The following CMTM4 variants were observed in gnomAD, a reference collection of about 807,000 sequenced individuals.
CMTM4 encodes the protein CKLF-like MARVEL transmembrane domain-containing protein 4.
In CMTM4, 8 loss-of-function variants were observed where a neutral mutation model predicts 19.0. The observed-to-expected ratio is 0.42, with a 90% confidence interval of 0.25 to 0.76. The LOEUF (loss-of-function observed/expected upper bound fraction) is 0.76. Ranked by LOEUF, CMTM4 falls within the 30% of genes least tolerant of loss-of-function variation. CMTM4 has a pLI of 0.27. For synonymous variants in CMTM4, 106 were observed against 121.1 expected (o/e 0.88, Z 0.82); for missense variants, 228 against 290.2 (o/e 0.79, Z 1.56).
chr16:66,646,199 A>G (rs1480133390), intron 1 of CMTM4, among the ~76,000 whole-genome samples: 1 of 152,198 alleles, frequency 6.6e-6, no homozygotes, highest in East Asian at 1.9e-4. Context: ...TTGTGTTTAC[A>G]AACACATTTA....
At chr16:66,673,439 T>C (rs355932) in intron 1 of CMTM4, among the ~76,000 whole-genome samples, 14,246 of 150,278 alleles carry the variant, frequency 0.095, 911 homozygotes, top group East Asian at 0.25. Flanking sequence ...AACTCCTGGA[T>C]GCAAGGGATC....
chr16:66,619,659 T>C lies in CMTM4; in HGVS notation c.*2399A>G. 1 of 985,352 alleles carries C rather than the reference T, an allele frequency of 1.0e-6. No individual in the cohort carries two copies. Among genetic ancestry groups the C allele is most frequent in the Non-Finnish European group, 1.2e-6 (1 of 829,930 alleles). 61.0% of individuals were successfully genotyped at this position (985,352 alleles called of 1,614,324 possible). A position where few individuals can be genotyped will look rare whatever the true frequency, so the allele number is the denominator to read the frequency against. On this transcript the variant is annotated 3_prime_UTR_variant, in exon 4 of 4. Coordinates refer to ENST00000394106, the MANE Select transcript of CMTM4 (RefSeq NM_181521.3). ...GATAACCCTATTCCCTCCAGAACTTTCGTCACCACGTGGTCTATACATGAT... is the reference window on the plus strand; with the variant it reads ...GATAACCCTATTCCCTCCAGAACTTCCGTCACCACGTGGTCTATACATGAT...
chr16:66,680,556 C>T (rs2016892419), intron 1 of CMTM4, among the ~76,000 whole-genome samples: 1 of 151,384 alleles, frequency 6.6e-6, no homozygotes, highest in East Asian at 1.9e-4. Flanking sequence ...GGGCAGATCA[C>T]GAGGTCAGGA....
chr16:66,674,134 T>C (rs1251697484), intron 1 of CMTM4, among the ~76,000 whole-genome samples: 1 of 152,332 alleles, frequency 6.6e-6, no homozygotes, highest in South Asian at 2.1e-4. Context: ...TCAGATGCAG[T>C]TGGGTCACAG....
chr16:66,644,392 A>C (rs1325098085), intron 1 of CMTM4, among the ~76,000 whole-genome samples: 1 of 152,190 alleles, frequency 6.6e-6, no homozygotes, highest in African/African-American at 2.4e-5. Flanking sequence ...ACTTTTTCAG[A>C]ATTACTGATC....
At chr16:66,685,533 C>T (rs1263944361) in intron 1 of CMTM4, among the ~76,000 whole-genome samples, 2 of 152,196 alleles carry the variant, frequency 1.3e-5, no homozygotes, top group Non-Finnish European at 2.9e-5. Context: ...CTCCCAGGCA[C>T]CCAGGTATGC....
chr16:66,601,083 TTG>T, the CMTM4 span, among the ~76,000 whole-genome samples: 65 of 146,328 alleles, frequency 4.4e-4, no homozygotes, highest in Admixed American at 9.7e-4. Flanking sequence ...CTCCCATGGT[TTG>T]TGTGTGTGTG....
chr16:66,696,405 C>A lies in CMTM4; in HGVS notation c.121G>T (p.Ala41Ser). ...TAGTCGGGGTCGCAGCGCAGGCCGG[C>A]CAGCCCGCGGCGCTGGCTCACCGGC... ...TEPVSQRRGL[A>S]GLRCDPDYLR... is the part of the protein sequence containing the mutation. Residue 41 changes from alanine (A) to serine (S), a missense_variant, in exon 1 of 4, where the codon GCC becomes TCC. By Grantham distance (99) the Ala-to-Ser change is moderately conservative. Coordinates refer to ENST00000394106, the MANE Select transcript of CMTM4 (RefSeq NM_181521.3). The surrounding 1 kb of genome is among the most constrained non-coding windows in gnomAD (Gnocchi z 4.3). 7.1e-7 allele frequency: 1 copy of A among 1,409,722 alleles called. No individual in the cohort carries two copies. Among genetic ancestry groups the A allele is most frequent in the Non-Finnish European group, 9.2e-7 (1 of 1,083,334 alleles). The allele number at this position is 1,409,722 out of a possible 1,614,324, so 87.3% of individuals were successfully genotyped here.
At chr16:66,694,712 C>CAAA (rs752909314) in intron 1 of CMTM4, among the ~76,000 whole-genome samples, 3 of 44,344 alleles carry the variant, frequency 6.8e-5, no homozygotes, top group Non-Finnish European at 9.0e-5. Context: ...GACTCCATCT[C>CAAA]AAAAAAAAAA....
chr16:66,616,174 G>A lies in CMTM4; in HGVS notation c.*5884C>T, dbSNP rs1405257870. ...ATAGTGTTATCTTGTTTAACTAAAT[G>A]TACATCTTTTTTTCCAATTCCATGA... is the stretch of plus-strand genomic sequence containing the variant. On this transcript the variant is annotated 3_prime_UTR_variant, in exon 4 of 4. Transcript: ENST00000394106. 2 of 152,008 alleles carry A rather than the reference G, an allele frequency of 1.3e-5. No individual in the cohort carries two copies. The highest frequency in any genetic ancestry group is 4.8e-5 in the African/African-American group (2 of 41,374). The allele number at this position is 152,008 out of a possible 1,614,324, so 9.4% of individuals were successfully genotyped here. A position where few individuals can be genotyped will look rare whatever the true frequency, so the allele number is the denominator to read the frequency against.
intron 1 of CMTM4, among the ~76,000 whole-genome samples, chr16:66,640,209 G>A (rs2016073940): frequency 1.3e-5 from 2 of 152,176 alleles, no homozygotes; most frequent in Non-Finnish European, 2.9e-5. Flanking sequence ...GCTGAAACAA[G>A]AGAACTGCTT....
At chr16:66,662,443 CAG>C (rs763829724) in intron 1 of CMTM4, among the ~76,000 whole-genome samples, 5 of 152,278 alleles carry the variant, frequency 3.3e-5, no homozygotes, top group East Asian at 1.9e-4. Context: ...GAAAAGTAGA[CAG>C]GGGGATTTTC....
chr16:66,673,122 C>G (rs1288885632), intron 1 of CMTM4, among the ~76,000 whole-genome samples: 1 of 102,234 alleles, frequency 9.8e-6, no homozygotes, highest in Admixed American at 1.4e-4. Context: ...GACGGAGTTT[C>G]ACATGTTGGC....
the CMTM4 span, among the ~76,000 whole-genome samples, chr16:66,602,193 T>A: frequency 6.6e-6 from 1 of 152,138 alleles, no homozygotes; most frequent in African/African-American, 2.4e-5. Flanking sequence ...GGCCAGGAGT[T>A]CAAGACCAGC....
rs199985904 is a variant in CMTM4, at chr16:66,617,460, G to A, written c.*4598C>T. The A allele has an allele frequency of 2.8e-5, 42 of 1,496,634 alleles. No homozygotes were observed. The East Asian group carries it at 3.5e-4, about 12-fold the overall frequency. 92.7% of individuals were successfully genotyped at this position (1,496,634 alleles called of 1,614,324 possible). A position where few individuals can be genotyped will look rare whatever the true frequency, so the allele number is the denominator to read the frequency against. Reference sequence around the variant, plus strand: ...GGGAAAATACAATAGGACCCACTCCGCTTCAAGCTAAAGAGTGTACAAAAT... The same window carrying A: ...GGGAAAATACAATAGGACCCACTCCACTTCAAGCTAAAGAGTGTACAAAAT... On this transcript the variant is annotated 3_prime_UTR_variant, in exon 4 of 4. Transcript: ENST00000394106.
chr16:66,655,573 A>G (rs1448682641), intron 1 of CMTM4, among the ~76,000 whole-genome samples: 1 of 150,146 alleles, frequency 6.7e-6, no homozygotes, highest in Admixed American at 6.6e-5. Context: ...GTGTGTTTAT[A>G]TATGTGTATA....
chr16:66,641,680 G>A (rs536106241), intron 1 of CMTM4, among the ~76,000 whole-genome samples: 179 of 152,204 alleles, frequency 1.2e-3, no homozygotes, highest in African/African-American at 4.1e-3. Flanking sequence ...TTCCCTATTA[G>A]CTTCTCACCC....
At chr16:66,644,532 T>C (rs936640671) in intron 1 of CMTM4, among the ~76,000 whole-genome samples, 1 of 152,244 alleles carries the variant, frequency 6.6e-6, no homozygotes, top group Non-Finnish European at 1.5e-5. Flanking sequence ...CCCTTTGTCA[T>C]TTAGTGTGTT....
the CMTM4 span, among the ~76,000 whole-genome samples, chr16:66,598,854 G>A: frequency 2.0e-5 from 3 of 152,076 alleles, no homozygotes; most frequent in Non-Finnish European, 2.9e-5. Flanking sequence ...TAAAAATTAC[G>A]AGGGGGTCAG....
Sources: allele counts gnomAD v4.1 joint callset (sites outside exome capture counted in the v4.1 genomes callset), GRCh38; gene constraint gnomAD v4.1.1; non-coding constraint Gnocchi (gnomAD v3.1); transcripts MANE v1.5; gene names NCBI Gene and HGNC (gene_info 2026-07-23, HGNC 2026-07-21).